Variants in RINT1 observed in about 807,000 individuals in gnomAD.
RINT1 encodes the protein RAD50 interactor 1.
In RINT1, 75 loss-of-function variants were observed where a neutral mutation model predicts 97.7. The ratio of observed to expected loss-of-function variants is 0.77; its 90% CI spans 0.64 to 0.93. The LOEUF (loss-of-function observed/expected upper bound fraction) is 0.93, where lower values mean the gene tolerates loss of function less well. RINT1 is among the 40% of genes least tolerant of loss of function. The pLI, the probability that RINT1 is intolerant of heterozygous loss-of-function variation, is 0.00. For missense variants in RINT1, 892 were observed against 925.2 expected (o/e 0.96, Z 0.47); for synonymous variants, 303 against 326.3 (o/e 0.93, Z 0.77).
chr7:105,553,887 A>ATTTT (rs776924728), intron 10 of RINT1, among the ~76,000 whole-genome samples: 2,092 of 71,098 alleles, frequency 0.029, 383 homozygotes, highest in Non-Finnish European at 0.044. Context: ...TACCCAGCTA[A>ATTTT]TTTTTTTTTT....
chr7:105,564,821 C>T lies in RINT1; in HGVS notation c.1887-456C>T, dbSNP rs117694103. On this transcript the variant is annotated intron_variant, in intron 12 of 14. Coordinates refer to ENST00000257700, the MANE Select transcript of RINT1 (RefSeq NM_021930.6). ...TTCGAAACTAGCCTGGCCAACATGG[C>T]GAAACCCTGTCTCTACTAAAAAATT... Among the ~76,000 whole-genome samples, 315 of 152,140 alleles carry T rather than the reference C, an allele frequency of 2.1e-3. 2 individuals carry two copies. Among genetic ancestry groups the T allele is most frequent in the Non-Finnish European group, 3.6e-3 (248 of 68,002 alleles).
rs544520881 is a variant in RINT1 at position 105,558,797 on chromosome 7, A to C, written c.1671+3570A>C. On this transcript the variant is annotated intron_variant, in intron 11 of 14. Coordinates refer to ENST00000257700, the MANE Select transcript of RINT1 (RefSeq NM_021930.6). ...CAGCATAGGGAGACCCTGTCTCTAC[A>C]TAAAATAAAATAAATTAACTGGGCA... Among the ~76,000 whole-genome samples the C allele has an allele frequency of 1.7e-4, 11 of 63,038 alleles. 1 individual carries two copies. The South Asian group carries it at 5.6e-3, about 32-fold the overall frequency. 41.4% of individuals were successfully genotyped at this position (63,038 alleles called of 152,430 possible).
At chr7:105,567,071 A>G in intron 14 of RINT1, 48 bp from the exon 15 acceptor site, 1 of 1,170,216 alleles carries the variant, frequency 8.5e-7, no homozygotes, top group Non-Finnish European at 1.2e-6. Flanking sequence ...AATATAATTG[A>G]TGCAGATAAT....
rs1373294918 is a variant in RINT1 at position 105,532,595 on chromosome 7, C to G, written c.43-229C>G. On this transcript the variant is annotated intron_variant, in intron 1 of 14. Transcript: ENST00000257700. ...TAGGGAGGTGGCTCTAGTGAGCAGG[C>G]AAGGTAACTCCAGGTCCTGCGGAGG... 2.6e-5 allele frequency among the ~76,000 whole-genome samples: 4 copies of G among 152,052 alleles called. No individual in the cohort carries two copies. The East Asian group carries it at 7.7e-4, about 29-fold the overall frequency.
At chr7:105,544,572 C>A (rs964551990) in intron 4 of RINT1, among the ~76,000 whole-genome samples, 1 of 151,862 alleles carries the variant, frequency 6.6e-6, no homozygotes, top group Non-Finnish European at 1.5e-5. Context: ...GTAGCTAGGA[C>A]TACAGGTGTA....
chr7:105,549,977 C>A, intron 7 of RINT1, 78 bp from the exon 8 acceptor site: 2 of 906,194 alleles, frequency 2.2e-6, no homozygotes, highest in Non-Finnish European at 3.4e-6. Flanking sequence ...TGTGCATATA[C>A]AATTAAATAG....
chr7:105,551,692 C>A lies in RINT1; in HGVS notation c.1456C>A (p.Leu486Ile), dbSNP rs1386234734. The change falls in exon 10 of 15, where the codon CTC becomes ATC. Residue 486 changes from leucine (L) to isoleucine (I), a missense_variant. Leu to Ile is a conservative substitution (Grantham distance 5). Transcript: ENST00000257700. ...TTGTGCAGAAACTTTTATGACTCTA[C>A]TCTTGGTTATAACTGGTAAGTATGT... ...PDCAETFMTL[L>I]LVITDRYKNL... is the part of the protein sequence containing the mutation. The A allele has an allele frequency of 5.0e-6, 8 of 1,604,644 alleles. No individual in the cohort carries two copies. The highest frequency in any genetic ancestry group is 6.8e-6 in the Non-Finnish European group (8 of 1,176,032).
intron 11 of RINT1, among the ~76,000 whole-genome samples, chr7:105,558,621 C>T (rs891838758): frequency 1.3e-5 from 2 of 151,982 alleles, no homozygotes; most frequent in Non-Finnish European, 1.5e-5. Flanking sequence ...CCCAGGAGTT[C>T]GAGACCAGTC....
intron 11 of RINT1, among the ~76,000 whole-genome samples, chr7:105,558,523 T>A (rs551042305): frequency 5.8e-4 from 89 of 152,282 alleles, no homozygotes; most frequent in African/African-American, 2.0e-3. Flanking sequence ...TACTTGGTGC[T>A]ATAGTCTGTT....
At chr7:105,543,954 G>C (rs1340216797) in intron 4 of RINT1, among the ~76,000 whole-genome samples, 1 of 151,556 alleles carries the variant, frequency 6.6e-6, no homozygotes, top group Non-Finnish European at 1.5e-5. Flanking sequence ...AAAGAAATTA[G>C]CCAGGCATGG....
At chr7:105,543,856 C>T (rs1429067951) in intron 4 of RINT1, among the ~76,000 whole-genome samples, 15 of 151,214 alleles carry the variant, frequency 9.9e-5, no homozygotes, top group Non-Finnish European at 1.8e-4. Flanking sequence ...TTTGGGAGGC[C>T]GAGGCGGGCA....
intron 2 of RINT1, among the ~76,000 whole-genome samples, chr7:105,535,323 G>A (rs533487791): frequency 8.9e-5 from 13 of 146,496 alleles, no homozygotes; most frequent in African/African-American, 2.0e-4. Flanking sequence ...TCCGCCTCCC[G>A]GGTTCAAGCG....
intron 4 of RINT1, among the ~76,000 whole-genome samples, chr7:105,542,958 C>T (rs1343976169): frequency 1.3e-5 from 2 of 151,602 alleles, no homozygotes; most frequent in Middle Eastern, 3.4e-3. Flanking sequence ...CATCTCGGCT[C>T]ACTGCAAGCT....
rs1189550467 is a variant in RINT1, at chr7:105,536,607, G to T, written c.131G>T (p.Ser44Ile). Residue 44 changes from serine to isoleucine, a missense_variant, in exon 3 of 15, where the codon AGT becomes ATT. By Grantham distance (142) the Ser-to-Ile change is moderately radical (BLOSUM62 -2). Coordinates refer to ENST00000257700, the MANE Select transcript of RINT1 (RefSeq NM_021930.6). ...GTTCTTATTGGAAGTAAACAAGTCA[G>T]TGAAGGTACAGATAATGGTGATCTC... Reference protein sequence around the residue: ...VTVLIGSKQVSEGTDNGDLPS... With the variant: ...VTVLIGSKQVIEGTDNGDLPS... The T allele has an allele frequency of 1.2e-6, 2 of 1,606,978 alleles. No individual in the cohort carries two copies. Among genetic ancestry groups the T allele is most frequent in the African/African-American group, 2.7e-5 (2 of 74,628 alleles).
rs2133479700 is a variant in RINT1, at chr7:105,565,542, A to C, written c.2080A>C (p.Asn694His). Residue 694 changes from asparagine (N) to histidine (H), a missense_variant, in exon 14 of 15, where the codon AAT becomes CAT. Coordinates refer to ENST00000257700, the MANE Select transcript of RINT1 (RefSeq NM_021930.6). ...TTCTTTGTTTCAGATAATTCTTGCT[A>C]ATCACTTCAATGAAGGAGGAGCAGC... ...VYIYQEIILA[N>H]HFNEGGAAQL... The C allele has an allele frequency of 1.2e-6, 2 of 1,613,266 alleles. No homozygotes were observed. Among genetic ancestry groups the C allele is most frequent in the Non-Finnish European group, 1.7e-6 (2 of 1,179,470 alleles).
At chr7:105,556,726 C>T (rs1791198543) in intron 11 of RINT1, among the ~76,000 whole-genome samples, 1 of 151,820 alleles carries the variant, frequency 6.6e-6, no homozygotes, top group East Asian at 1.9e-4. Context: ...AACCTACTGA[C>T]AGACTTGATA....
intron 6 of RINT1, among the ~76,000 whole-genome samples, chr7:105,547,965 G>A (rs866858405): frequency 6.6e-6 from 1 of 151,862 alleles, no homozygotes; most frequent in Non-Finnish European, 1.5e-5. Context: ...GACCTCAGGT[G>A]ATCCACCCGC....
rs1310020871 is a variant in RINT1, at chr7:105,532,353, C to T, written c.38C>T (p.Ala13Val). 4.6e-5 allele frequency: 73 copies of T among 1,601,146 alleles called. No individual in the cohort carries two copies. Among genetic ancestry groups the T allele is most frequent in the Non-Finnish European group, 6.2e-5 (73 of 1,175,492 alleles). ...GGCGAGATCGGCGCCTCTCCTGCAG[C>T]CCCGGTGAGACGGCCCTGGCGTCCC... ...PAGEIGASPA[A>V]PCCSESGDER... The change falls in exon 1 of 15, where the codon GCC becomes GTC. Residue 13 changes from alanine (A) to valine (V), a missense_variant. Ala to Val is a moderately conservative substitution (Grantham distance 64). Transcript: ENST00000257700.
intron 11 of RINT1, among the ~76,000 whole-genome samples, chr7:105,559,130 C>T (rs1289283040): frequency 6.6e-6 from 1 of 150,706 alleles, no homozygotes; most frequent in Non-Finnish European, 1.5e-5. Flanking sequence ...TGTGGTGGCT[C>T]ACGCCTGTAA....
Sources: gnomAD v4.1 joint callset for allele counts (sites outside exome capture counted in the v4.1 genomes callset) on GRCh38, gnomAD v4.1.1 for gene constraint, MANE v1.5 for transcripts, NCBI Gene and HGNC (gene_info 2026-07-23, HGNC 2026-07-21) for gene names.